Variants in ZKSCAN2 observed in about 807,000 individuals in gnomAD.
ZKSCAN2 encodes zinc finger with KRAB and SCAN domains 2, also known as zinc finger protein with KRAB and SCAN domains 2.
A neutral mutation model predicts 90.5 loss-of-function variants in ZKSCAN2; 38 were observed. That is an observed-to-expected ratio of 0.42 (90% CI 0.32 to 0.55). The LOEUF is 0.55. Ranked by LOEUF, ZKSCAN2 falls within the 20% of genes least tolerant of loss-of-function variation. The pLI is 0.11. For missense variants in ZKSCAN2, 1,167 were observed against 1,202.6 expected (o/e 0.97, Z 0.44); for synonymous variants, 429 against 421.6 (o/e 1.02, Z -0.22).
At position 25,238,141 on chromosome 16, in the gene ZKSCAN2, T is replaced by G. The variant is rs1275278665; in HGVS notation, c.*1675A>C. The stretch of plus-strand genomic sequence containing the variant: ...TACAGTGCCTACCCTCCTAGGTACT[T>G]TGCTGAACAAGTTTCAAAAGATTGA... On this transcript the variant is annotated 3_prime_UTR_variant, in exon 7 of 7. Coordinates refer to ENST00000328086, the MANE Select transcript of ZKSCAN2 (RefSeq NM_001012981.5). The G allele has an allele frequency of 1.3e-5, 2 of 152,252 alleles. No homozygotes were observed. The highest frequency in any genetic ancestry group is 2.9e-5 in the Non-Finnish European group (2 of 68,042). 9.4% of individuals were successfully genotyped at this position (152,252 alleles called of 1,614,324 possible).
intron 2 of ZKSCAN2, 119 bp downstream of exon 2, chr16:25,255,087 C>T: frequency 9.6e-7 from 1 of 1,044,774 alleles, no homozygotes; most frequent in Non-Finnish European, 1.3e-6. Context: ...TGAATGAAAC[C>T]TTTCTCCTAT....
rs536395802 is a variant in ZKSCAN2, at chr16:25,250,202, G to A, written c.805+1707C>T. 1.8e-3 allele frequency among the ~76,000 whole-genome samples: 272 copies of A among 152,134 alleles called. 2 individuals carry two copies. Among genetic ancestry groups the A allele is most frequent in the Middle Eastern group, 3.4e-3 (1 of 292 alleles). On this transcript the variant is annotated intron_variant, in intron 4 of 6. Coordinates refer to ENST00000328086, the MANE Select transcript of ZKSCAN2 (RefSeq NM_001012981.5). ...CATGCACCTGTAGTTCCAGCTACTC[G>A]GGAGGCTGAGGCAGGAGAATCGCTT...
chr16:25,240,113 G>T lies in ZKSCAN2; in HGVS notation c.2607C>A (p.Thr869=), dbSNP rs781136346. The change falls in exon 7 of 7, where the codon ACC becomes ACA. Residue 869 remains threonine, a synonymous_variant. Transcript: ENST00000328086. ...YQCGECGKSF[T]NSSHFSAHRR... ...GGTGGGCGCTGAAATGAGAACTGTT[G>T]GTGAAACTTTTCCCACACTCTCCAC... The T allele has an allele frequency of 1.2e-6, 2 of 1,613,722 alleles. No individual in the cohort carries two copies. Among genetic ancestry groups the T allele is most frequent in the East Asian group, 2.2e-5 (1 of 44,866 alleles).
At position 25,253,462 on chromosome 16, in the gene ZKSCAN2, C is replaced by G. The variant is rs1249442446; in HGVS notation, c.587-425G>C. 2.0e-5 allele frequency among the ~76,000 whole-genome samples: 3 copies of G among 151,322 alleles called. No homozygotes were observed. The East Asian group carries it at 5.8e-4, about 29-fold the overall frequency. ...TTCCTCTCTCTCTCTCTCTCTCTCT[C>G]TCTGTCTCTCTCAATCATGGACATT... On this transcript the variant is annotated intron_variant, in intron 2 of 6. Transcript: ENST00000328086.
In ZKSCAN2 at chr16:25,246,618, C is replaced by G; in HGVS notation, c.1489+89G>C. On this transcript the variant is annotated intron_variant, in intron 5 of 6. Transcript: ENST00000328086. ...AGTGGTGAGGTGTGTGTGACAGCACCCCCCGGGTTTGGCCACTTCTGGTCT... is the reference window on the plus strand; with the variant it reads ...AGTGGTGAGGTGTGTGTGACAGCACGCCCCGGGTTTGGCCACTTCTGGTCT... The G allele has an allele frequency of 3.6e-6, 5 of 1,386,246 alleles. No individual in the cohort carries two copies. The South Asian group carries it at 6.4e-5, about 18-fold the overall frequency. The allele number at this position is 1,386,246 out of a possible 1,614,324, so 85.9% of individuals were successfully genotyped here.
intron 6 of ZKSCAN2, among the ~76,000 whole-genome samples, chr16:25,241,964 G>A (rs1962861355): frequency 6.6e-6 from 1 of 152,178 alleles, no homozygotes. Flanking sequence ...TGACCTCCCA[G>A]GATCAAGTGA....
rs1214035374 is a variant in ZKSCAN2 at position 25,240,364 on chromosome 16, T to C, written c.2356A>G (p.Arg786Gly). 1 of 1,614,164 alleles carries C rather than the reference T, an allele frequency of 6.2e-7. No individual in the cohort carries two copies. Among genetic ancestry groups the C allele is most frequent in the Non-Finnish European group, 8.5e-7 (1 of 1,180,022 alleles). The change falls in exon 7 of 7, where the codon AGA (arginine) becomes GGA (glycine). Residue 786 changes from arginine to glycine, a missense_variant. Coordinates refer to ENST00000328086, the MANE Select transcript of ZKSCAN2 (RefSeq NM_001012981.5). ...TGGTGTCTGATCAGGCTCCTGCTTC[T>C]ACCAAAGCACTTCCCACAGACACCA... Reference protein sequence around the residue: ...KCGVCGKCFGRSRSLIRHQRI... With the variant: ...KCGVCGKCFGGSRSLIRHQRI...
intron 1 of ZKSCAN2, among the ~76,000 whole-genome samples, chr16:25,255,786 T>C (rs1249184698): frequency 2.0e-5 from 3 of 152,178 alleles, no homozygotes; most frequent in Non-Finnish European, 4.4e-5. Context: ...TTTCATTATG[T>C]TGGTCAGGCT....
intron 6 of ZKSCAN2, among the ~76,000 whole-genome samples, chr16:25,242,890 G>A (rs1962874701): frequency 6.6e-6 from 1 of 152,260 alleles, no homozygotes; most frequent in Admixed American, 6.5e-5. Flanking sequence ...GGTAACTGAA[G>A]AGGGGACAGA....
intron 4 of ZKSCAN2, among the ~76,000 whole-genome samples, chr16:25,249,667 A>G (rs1429189808): frequency 6.6e-6 from 1 of 152,190 alleles, no homozygotes; most frequent in East Asian, 1.9e-4. Context: ...CCATAAATAT[A>G]CACAATTATT....
Position 25,239,621 on chromosome 16 carries a change from A to G in ZKSCAN2, c.*195T>C. On this transcript the variant is annotated 3_prime_UTR_variant, in exon 7 of 7. Coordinates refer to ENST00000328086, the MANE Select transcript of ZKSCAN2 (RefSeq NM_001012981.5). Reference sequence around the variant, plus strand: ...ATCTTCGCCACATTCTTAAAGGAGAAGCTGAGACACACAGAAGAGGAGGAA... The same window carrying G: ...ATCTTCGCCACATTCTTAAAGGAGAGGCTGAGACACACAGAAGAGGAGGAA... 1.9e-6 allele frequency: 1 copy of G among 534,576 alleles called. No individual in the cohort carries two copies. The highest frequency in any genetic ancestry group is 3.3e-5 in the South Asian group (1 of 30,262). The allele number at this position is 534,576 out of a possible 1,614,324, so 33.1% of individuals were successfully genotyped here.
Position 25,239,915 on chromosome 16 carries a change from T to G in ZKSCAN2, c.2805A>C (p.Glu935Asp). 6.2e-7 allele frequency: 1 copy of G among 1,614,156 alleles called. No individual in the cohort carries two copies. Among genetic ancestry groups the G allele is most frequent in the Non-Finnish European group, 8.5e-7 (1 of 1,180,022 alleles). Residue 935 changes from glutamate to aspartate, a missense_variant, in exon 7 of 7, where the codon GAA becomes GAC. By Grantham distance (45) the Glu-to-Asp change is conservative (BLOSUM62 2). Transcript: ENST00000328086. ...SKSSVLTKHR[E>D]VHVREKPLPH... is the part of the protein sequence containing the mutation. ...GCAGAGGCTTTTCTCTCACATGAACTTCCCGATGTTTGGTAAGAACAGAAC... is the reference window on the plus strand; with the variant it reads ...GCAGAGGCTTTTCTCTCACATGAACGTCCCGATGTTTGGTAAGAACAGAAC...
chr16:25,252,913 A>G (rs754266449), intron 3 of ZKSCAN2, 33 bp downstream of exon 3: 1 of 1,525,474 alleles, frequency 6.6e-7, no homozygotes, highest in Non-Finnish European at 9.1e-7. Context: ...GTGAGACTCC[A>G]TCTCAAAGAA....
At chr16:25,255,524 G>T in intron 1 of ZKSCAN2, 132 bp from the exon 2 acceptor site, 1 of 948,944 alleles carries the variant, frequency 1.1e-6, no homozygotes, top group Non-Finnish European at 1.5e-6. Context: ...TCCCAGTGGA[G>T]TCTCTGAGAG....
intron 5 of ZKSCAN2, among the ~76,000 whole-genome samples, chr16:25,245,627 G>A (rs981972055): frequency 3.3e-4 from 50 of 152,112 alleles, no homozygotes; most frequent in African/African-American, 1.1e-3. Context: ...TTAGCCAGGC[G>A]TGGTGGTGGG....
chr16:25,241,479 A>G (rs1204789948), intron 6 of ZKSCAN2, among the ~76,000 whole-genome samples: 1 of 152,214 alleles, frequency 6.6e-6, no homozygotes, highest in African/African-American at 2.4e-5. Context: ...CAAACACAGA[A>G]AAGTCTGGAG....
At chr16:25,249,187 G>C (rs1390653728) in intron 4 of ZKSCAN2, among the ~76,000 whole-genome samples, 1 of 152,162 alleles carries the variant, frequency 6.6e-6, no homozygotes, top group Non-Finnish European at 1.5e-5. Flanking sequence ...CAAAATTTCA[G>C]TTAGATGGGA....
rs149172025 is a variant in ZKSCAN2 at position 25,246,765 on chromosome 16, G to A, written c.1431C>T (p.Ile477=). The A allele has an allele frequency of 2.4e-5, 39 of 1,614,170 alleles. No individual in the cohort carries two copies. In the East Asian group the frequency reaches 8.0e-4, roughly 33 times the overall value. The stretch of plus-strand genomic sequence containing the variant: ...GGATTTCAGACTTGCGGATAAATTC[G>A]ATGCCTATTTCATCATCATCAGAAT... ...AEDSDDDEIG[I]EFIRKSEIHG... The change falls in exon 5 of 7, where the codon ATC becomes ATT. Residue 477 remains isoleucine (I), a synonymous_variant. Coordinates refer to ENST00000328086, the MANE Select transcript of ZKSCAN2 (RefSeq NM_001012981.5).
In ZKSCAN2 at chr16:25,257,653, C is replaced by T. The variant is rs187035763; in HGVS notation, c.-526G>A. 1.3e-3 allele frequency: 390 copies of T among 307,368 alleles called. 1 individual carries two copies. Among genetic ancestry groups the T allele is most frequent in the Non-Finnish European group, 1.7e-3 (360 of 210,264 alleles). 19.0% of individuals were successfully genotyped at this position (307,368 alleles called of 1,614,324 possible). On this transcript the variant is annotated 5_prime_UTR_variant, in exon 1 of 7. Coordinates refer to ENST00000328086, the MANE Select transcript of ZKSCAN2 (RefSeq NM_001012981.5). Reference sequence around the variant, plus strand: ...TGGGGCCGCCGGATTCCGAGAGCGGCGCCGGGCTCTTTCGGGCCCACGACG... The same window carrying T: ...TGGGGCCGCCGGATTCCGAGAGCGGTGCCGGGCTCTTTCGGGCCCACGACG...
Sources: allele counts gnomAD v4.1 joint callset (sites outside exome capture counted in the v4.1 genomes callset), GRCh38; gene constraint gnomAD v4.1.1; transcripts MANE v1.5; gene names NCBI Gene and HGNC (gene_info 2026-07-23, HGNC 2026-07-21).